The following SLC22A23 variants were observed in gnomAD, a reference collection of about 807,000 sequenced individuals.
SLC22A23 encodes solute carrier family 22 member 23.
Under a neutral mutation model 61.0 loss-of-function variants are expected in SLC22A23, and 26 were observed. The ratio of observed to expected loss-of-function variants is 0.43; its 90% CI spans 0.31 to 0.59. The LOEUF (loss-of-function observed/expected upper bound fraction) is 0.59, where lower values mean the gene tolerates loss of function less well. Among genes scored for constraint, SLC22A23 ranks in the 20% least tolerant of loss-of-function variants. SLC22A23 has a pLI of 0.11. For synonymous variants in SLC22A23, 430 were observed against 413.9 expected (o/e 1.04, Z -0.47); for missense variants, 796 against 934.7 (o/e 0.85, Z 1.94).
intron 3 of SLC22A23, among the ~76,000 whole-genome samples, chr6:3,353,950 G>A (rs904577573): frequency 7.2e-5 from 11 of 152,234 alleles, no homozygotes; most frequent in Admixed American, 2.0e-4. Flanking sequence ...TCTCCTATGC[G>A]TGGGCTGCTT....
chr6:3,368,448 C>T (rs1765983832), intron 3 of SLC22A23, among the ~76,000 whole-genome samples: 1 of 152,134 alleles, frequency 6.6e-6, no homozygotes, highest in African/African-American at 2.4e-5. Context: ...AGGGGAAGGA[C>T]CCGTAGCTGC....
intron 9 of SLC22A23, among the ~76,000 whole-genome samples, chr6:3,282,846 A>G (rs1759598274): frequency 6.6e-6 from 1 of 152,216 alleles, no homozygotes; most frequent in African/African-American, 2.4e-5. Context: ...GCAACAGTAA[A>G]TGGCGTGTAG....
intron 4 of SLC22A23, among the ~76,000 whole-genome samples, chr6:3,299,507 T>C (rs553954582): frequency 6.6e-6 from 1 of 152,342 alleles, no homozygotes; most frequent in East Asian, 1.9e-4. Context: ...AGAATCTTTT[T>C]CTTTTTTTAA....
At chr6:3,441,025 T>TGGGCTGGGGCCTGTAGG (rs1561985158) in intron 1 of SLC22A23, among the ~76,000 whole-genome samples, 1 of 152,190 alleles carries the variant, frequency 6.6e-6, no homozygotes, top group African/African-American at 2.4e-5. Context: ...CACATGGTGC[T>TGGGCTGGGGCCTGTAGG]GGGCTGGGGC....
chr6:3,437,644 G>C (rs542110465), intron 1 of SLC22A23, among the ~76,000 whole-genome samples: 1 of 151,696 alleles, frequency 6.6e-6, no homozygotes, highest in South Asian at 2.1e-4. Context: ...AGCTGAGATC[G>C]TGCCACTGCA....
At chr6:3,432,434 A>G (rs1770928995) in intron 1 of SLC22A23, 1 of 978,550 alleles carries the variant, frequency 1.0e-6, no homozygotes, top group African/African-American at 1.8e-5. Flanking sequence ...GTTGTGTACA[A>G]CTGCTCTTCA....
At chr6:3,315,080 C>T (rs1762561127) in intron 4 of SLC22A23, among the ~76,000 whole-genome samples, 1 of 152,078 alleles carries the variant, frequency 6.6e-6, no homozygotes, top group Non-Finnish European at 1.5e-5. Context: ...CTAGGCGTTT[C>T]ATGCAAAACA....
At chr6:3,277,635 G>A (rs780748403) in intron 9 of SLC22A23, among the ~76,000 whole-genome samples, 1 of 152,160 alleles carries the variant, frequency 6.6e-6, no homozygotes, top group Non-Finnish European at 1.5e-5. Flanking sequence ...ATAGACACCA[G>A]ATGTTTCCAG....
rs561331596 is a variant in SLC22A23 at position 3,328,495 on chromosome 6, G to A, written c.914-4493C>T. Among the ~76,000 whole-genome samples the A allele has an allele frequency of 6.6e-6, 1 of 152,248 alleles. No homozygotes were observed. The highest frequency in any genetic ancestry group is 6.5e-5 in the Admixed American group (1 of 15,298). On this transcript the variant is annotated intron_variant, in intron 3 of 9. Transcript: ENST00000406686. This position sits in a 1 kb window ranked among gnomAD's most constrained non-coding sequence, Gnocchi z 5.0. ...TGATGTGTCACGTGGCGGGGCTGCAGTCTTAGGCATTTGCTCAAACAGGAA... is the reference window on the plus strand; with the variant it reads ...TGATGTGTCACGTGGCGGGGCTGCAATCTTAGGCATTTGCTCAAACAGGAA...
chr6:3,356,541 T>C (rs1344856601), intron 3 of SLC22A23, among the ~76,000 whole-genome samples: 1 of 152,170 alleles, frequency 6.6e-6, no homozygotes, highest in East Asian at 1.9e-4. Flanking sequence ...GGCTGCTTCA[T>C]TGTCCTGGGC....
chr6:3,290,741 C>A (rs1760508599), intron 5 of SLC22A23: 1 of 152,640 alleles, frequency 6.6e-6, no homozygotes, highest in African/African-American at 2.4e-5. Context: ...GTGCTGGCCT[C>A]CAGGAGCTGT....
intron 2 of SLC22A23, among the ~76,000 whole-genome samples, chr6:3,415,449 A>G (rs567296345): frequency 2.0e-5 from 3 of 152,296 alleles, no homozygotes; most frequent in South Asian, 4.1e-4. Context: ...AGCCCTGCAC[A>G]TAAGTCTTCA....
chr6:3,435,736 A>G (rs1356702696), intron 1 of SLC22A23, among the ~76,000 whole-genome samples: 1 of 152,214 alleles, frequency 6.6e-6, no homozygotes, highest in Non-Finnish European at 1.5e-5. Context: ...ATATGCTGGA[A>G]TCCAAACCCC....
intron 1 of SLC22A23, among the ~76,000 whole-genome samples, chr6:3,436,079 G>A (rs1270541709): frequency 6.6e-6 from 1 of 152,178 alleles, no homozygotes. Flanking sequence ...CCAGGGCAGA[G>A]GATGACCTAG....
intron 3 of SLC22A23, among the ~76,000 whole-genome samples, chr6:3,381,894 AC>A (rs1366062139): frequency 6.6e-6 from 1 of 152,006 alleles, no homozygotes; most frequent in Non-Finnish European, 1.5e-5. Context: ...ACAGGCATGC[AC>A]CCTGCTTAAA....
chr6:3,414,255 T>C lies in SLC22A23; in HGVS notation c.758+1497A>G, dbSNP rs534453341. Among the ~76,000 whole-genome samples, 60 of 152,334 alleles carry C rather than the reference T, an allele frequency of 3.9e-4. No individual in the cohort carries two copies. The highest frequency in any genetic ancestry group is 6.0e-4 in the Non-Finnish European group (41 of 68,024). On this transcript the variant is annotated intron_variant, in intron 2 of 9. Coordinates refer to ENST00000406686, the MANE Select transcript of SLC22A23 (RefSeq NM_015482.2). The surrounding 1 kb of genome is among the most constrained non-coding windows in gnomAD (Gnocchi z 5.1). ...ATTATATTAGTATATTTTTCTAACC[T>C]ATTTCAATGTAGATTTCTGGGAAAC...
rs1369722513 is a variant in SLC22A23 at position 3,410,721 on chromosome 6, C to T, written c.759-379G>A. Among the ~76,000 whole-genome samples the T allele has an allele frequency of 6.6e-6, 1 of 152,100 alleles. No homozygotes were observed. The highest frequency in any genetic ancestry group is 1.5e-5 in the Non-Finnish European group (1 of 68,028). Reference sequence around the variant, plus strand: ...CCCAGCATAAAAAGTCTTGAGAAATCGTTGACCTTTGGGATTGGATCAAAA... The same window carrying T: ...CCCAGCATAAAAAGTCTTGAGAAATTGTTGACCTTTGGGATTGGATCAAAA... On this transcript the variant is annotated intron_variant, in intron 2 of 9. Coordinates refer to ENST00000406686, the MANE Select transcript of SLC22A23 (RefSeq NM_015482.2). The surrounding 1 kb of genome is among the most constrained non-coding windows in gnomAD (Gnocchi z 5.0).
intron 3 of SLC22A23, among the ~76,000 whole-genome samples, chr6:3,359,996 T>C (rs1347876956): frequency 4.6e-5 from 7 of 152,176 alleles, no homozygotes; most frequent in Non-Finnish European, 1.0e-4. Flanking sequence ...TTATGCTAAG[T>C]GAAGTAAGCC....
chr6:3,349,219 C>G (rs544002744), intron 3 of SLC22A23, among the ~76,000 whole-genome samples: 18 of 152,336 alleles, frequency 1.2e-4, no homozygotes, highest in African/African-American at 4.1e-4. Flanking sequence ...CTCGAGGAAG[C>G]CTGCCCTAGC....
Sources: allele counts gnomAD v4.1 joint callset (sites outside exome capture counted in the v4.1 genomes callset), GRCh38; gene constraint gnomAD v4.1.1; non-coding constraint Gnocchi (gnomAD v3.1); transcripts MANE v1.5; gene names NCBI Gene and HGNC (gene_info 2026-07-23, HGNC 2026-07-21).